The following KALRN variants were observed in gnomAD, a reference collection of about 807,000 sequenced individuals.
KALRN encodes the protein kalirin RhoGEF kinase.
KALRN carries 70 observed loss-of-function variants against 353.7 expected under a neutral mutation model. The observed-to-expected ratio is 0.20, with a 90% confidence interval of 0.16 to 0.24. The LOEUF (loss-of-function observed/expected upper bound fraction) is 0.24. Ranked by LOEUF, KALRN falls within the 10% of genes least tolerant of loss-of-function variation. The pLI is 1.00. For synonymous variants in KALRN, 1,391 were observed against 1,434.8 expected, an observed-to-expected ratio of 0.97 and a Z score of 0.69; for missense variants, 2,791 against 3,756.7, an observed-to-expected ratio of 0.74 and a Z score of 6.72.
chr3:124,356,844 A>T lies in KALRN; in HGVS notation c.1770+9579A>T, dbSNP rs188442298. Among the ~76,000 whole-genome samples the T allele has an allele frequency of 2.8e-4, 42 of 152,188 alleles. No homozygotes were observed. The East Asian group carries it at 7.3e-3, about 27-fold the overall frequency. On this transcript the variant is annotated intron_variant, in intron 10 of 59. Coordinates refer to ENST00000682506, the MANE Select transcript of KALRN (RefSeq NM_001388419.1). ...CTCACTTTACACAAACTCCCTGAAC[A>T]ATTTAGACTCTCTCTCAGTCTCAAC...
intron 14 of KALRN, among the ~76,000 whole-genome samples, chr3:124,421,182 G>A (rs2092764008): frequency 6.6e-6 from 1 of 152,204 alleles, no homozygotes; most frequent in Non-Finnish European, 1.5e-5. Flanking sequence ...TCAGGGATCA[G>A]AATAAGCAAG....
At chr3:124,217,568 ATGT>A (rs2150571161) in intron 1 of KALRN, among the ~76,000 whole-genome samples, 1 of 152,246 alleles carries the variant, frequency 6.6e-6, no homozygotes, top group East Asian at 1.9e-4. Flanking sequence ...ATCTCTCTGT[ATGT>A]ATATCCCTCC....
intron 18 of KALRN, among the ~76,000 whole-genome samples, chr3:124,440,390 G>A (rs2093629529): frequency 6.6e-6 from 1 of 152,038 alleles, no homozygotes. Flanking sequence ...GTCACTGTGG[G>A]AATGATATGC....
intron 10 of KALRN, among the ~76,000 whole-genome samples, chr3:124,381,903 G>A (rs912842854): frequency 6.6e-6 from 1 of 152,138 alleles, no homozygotes; most frequent in African/African-American, 2.4e-5. Context: ...GCTAAATATA[G>A]AGTACCCTGG....
chr3:124,190,514 A>G (rs921122595), intron 1 of KALRN, among the ~76,000 whole-genome samples: 22 of 152,230 alleles, frequency 1.4e-4, no homozygotes, highest in African/African-American at 4.8e-4. Context: ...ACATGGTGGC[A>G]TAAACAACCA....
chr3:124,298,035 A>G (rs1350607843), intron 5 of KALRN, among the ~76,000 whole-genome samples: 1 of 152,138 alleles, frequency 6.6e-6, no homozygotes, highest in Admixed American at 6.5e-5. Context: ...AGACAATCCC[A>G]TTGGTTGGGA....
Position 124,333,322 on chromosome 3 carries a change from G to C in KALRN, c.1417-943G>C, listed in dbSNP as rs1054519673. 2.0e-5 allele frequency among the ~76,000 whole-genome samples: 3 copies of C among 152,188 alleles called. No homozygotes were observed. The East Asian group carries it at 5.8e-4, about 29-fold the overall frequency. ...ATAAAATTGGTAGCCAGTATCACTT[G>C]TCAGGCTCTATTCTAAATACGGTAT... On this transcript the variant is annotated intron_variant, in intron 8 of 59. Transcript: ENST00000682506.
intron 1 of KALRN, among the ~76,000 whole-genome samples, chr3:124,099,937 G>A (rs977921502): frequency 2.6e-5 from 4 of 152,210 alleles, no homozygotes; most frequent in African/African-American, 9.6e-5. Context: ...GCCAAGGCAG[G>A]TGGATCACCT....
chr3:124,488,210 T>C lies in KALRN; in HGVS notation c.4291T>C (p.Leu1431=), dbSNP rs373418109. ...CGGACTTTTTTTTCCCCAGGAACTT[T>C]TAACTTGCTGTGAAGAAGGGAAAGG... The part of the protein sequence containing the change: ...TKYQLLLKEL[L]TCCEEGKGEL... Residue 1431 remains leucine, a synonymous_variant, in exon 29 of 60, where the codon TTA becomes CTA. Transcript: ENST00000682506. 8.0e-5 allele frequency: 129 copies of C among 1,611,968 alleles called. No individual in the cohort carries two copies. Among genetic ancestry groups the C allele is most frequent in the Non-Finnish European group, 1.0e-4 (121 of 1,178,620 alleles).
chr3:124,225,404 T>A (rs2148462304), intron 1 of KALRN, among the ~76,000 whole-genome samples: 1 of 152,306 alleles, frequency 6.6e-6, no homozygotes, highest in Middle Eastern at 3.4e-3. Context: ...CTAGTTTGGA[T>A]TTTGTAAATG....
chr3:124,454,356 G>T (rs1013983812), intron 21 of KALRN, among the ~76,000 whole-genome samples: 5 of 152,152 alleles, frequency 3.3e-5, no homozygotes, highest in Non-Finnish European at 7.4e-5. Flanking sequence ...CTAAGCCTCA[G>T]ATTTTTTTCA....
At chr3:124,567,384 C>T (rs1411878109) in intron 34 of KALRN, among the ~76,000 whole-genome samples, 2 of 152,198 alleles carry the variant, frequency 1.3e-5, no homozygotes, top group Non-Finnish European at 2.9e-5. Context: ...GGGCTCCTCT[C>T]TGCCCTTCCC....
chr3:124,289,985 A>G (rs1450721442), intron 5 of KALRN, among the ~76,000 whole-genome samples: 1 of 152,158 alleles, frequency 6.6e-6, no homozygotes, highest in Non-Finnish European at 1.5e-5. Flanking sequence ...TAGGCTGTGA[A>G]GGACACAAAA....
At position 124,121,029 on chromosome 3, in the gene KALRN, T is replaced by G. The variant is rs191761335; in HGVS notation, c.73+87216T>G. Among the ~76,000 whole-genome samples, 103 of 144,644 alleles carry G rather than the reference T, an allele frequency of 7.1e-4. No individual in the cohort carries two copies. In the South Asian group the frequency reaches 0.015, roughly 20 times the overall value. The allele number at this position is 144,644 out of a possible 152,430, so 94.9% of individuals were successfully genotyped here. On this transcript the variant is annotated intron_variant, in intron 1 of 59. Coordinates refer to ENST00000682506, the MANE Select transcript of KALRN (RefSeq NM_001388419.1). ...GAATTGCTTGAACCCGAGAGGCAGA[T>G]GTTGCAGTGAGCCAAGATCATGCCA... is the stretch of plus-strand genomic sequence containing the variant.
intron 1 of KALRN, among the ~76,000 whole-genome samples, chr3:124,074,741 G>A (rs1021198352): frequency 1.3e-5 from 2 of 152,278 alleles, no homozygotes; most frequent in East Asian, 1.9e-4. Context: ...TTATAAGAAT[G>A]TTATATAAGA....
At chr3:124,595,799 A>G (rs906429040) in intron 34 of KALRN, among the ~76,000 whole-genome samples, 2 of 152,148 alleles carry the variant, frequency 1.3e-5, no homozygotes, top group Non-Finnish European at 2.9e-5. Context: ...TTCTGTTTAC[A>G]TTTTCTGAAT....
chr3:124,673,340 T>C (rs2086717348), intron 48 of KALRN, among the ~76,000 whole-genome samples: 1 of 152,066 alleles, frequency 6.6e-6, no homozygotes, highest in Non-Finnish European at 1.5e-5. Context: ...GAGCTATGAC[T>C]CTGCCACTGC....
At chr3:124,152,546 C>T in intron 1 of KALRN, 1 of 540,570 alleles carries the variant, frequency 1.8e-6, no homozygotes, top group South Asian at 2.1e-5. Flanking sequence ...TTTTCTTTTT[C>T]TTTTTCTTTT....
At chr3:124,541,783 T>A (rs1043362770) in intron 33 of KALRN, among the ~76,000 whole-genome samples, 1 of 151,226 alleles carries the variant, frequency 6.6e-6, no homozygotes, top group Non-Finnish European at 1.5e-5. Context: ...TCCCAGCTAC[T>A]CGGGAGGCTG....
Sources: allele counts gnomAD v4.1 joint callset (sites outside exome capture counted in the v4.1 genomes callset), GRCh38; gene constraint gnomAD v4.1.1; transcripts MANE v1.5; gene names NCBI Gene and HGNC (gene_info 2026-07-23, HGNC 2026-07-21).